Variants in DYNC2H1 observed in about 807,000 individuals in gnomAD.
DYNC2H1 encodes the protein cytoplasmic dynein 2 heavy chain 1.
A neutral mutation model predicts 570.0 loss-of-function variants in DYNC2H1; 410 were observed. That is an observed-to-expected ratio of 0.72 (90% CI 0.66 to 0.78). DYNC2H1 has a LOEUF of 0.78. Among genes scored for constraint, DYNC2H1 ranks in the 30% least tolerant of loss-of-function variants. The probability of loss-of-function intolerance (pLI) is 0.00; values close to 1 mark genes in which losing one functional copy is unlikely to be tolerated. For missense variants in DYNC2H1, 4,865 were observed against 5,046.4 expected (o/e 0.96, Z 1.09); for synonymous variants, 1,688 against 1,677.6 (o/e 1.01, Z -0.15).
At chr11:103,453,977 G>T (rs1448641291) in intron 85 of DYNC2H1, among the ~76,000 whole-genome samples, 1 of 151,850 alleles carries the variant, frequency 6.6e-6, no homozygotes, top group Non-Finnish European at 1.5e-5. Context: ...ATTATGCTTC[G>T]CTAAGAAGAT....
At chr11:103,270,992 T>C (rs777500357) in intron 70 of DYNC2H1, among the ~76,000 whole-genome samples, 16 of 152,204 alleles carry the variant, frequency 1.1e-4, no homozygotes, top group Non-Finnish European at 1.9e-4. Flanking sequence ...TCATGCAAAC[T>C]TCTTGAAAGT....
rs550898293 is a variant in DYNC2H1, at chr11:103,199,208, T to C, written c.7840-20T>C. 2.8e-6 allele frequency: 4 copies of C among 1,439,312 alleles called. No homozygotes were observed. In the Admixed American group the frequency reaches 6.2e-5, roughly 22 times the overall value. 89.2% of individuals were successfully genotyped at this position (1,439,312 alleles called of 1,614,324 possible). ...ATTAGGGCTTATATTAATTATAAAA[T>C]ATTCTGATTTTTTTAAAAGGGTCTT... is the stretch of plus-strand genomic sequence containing the variant. On this transcript the variant is annotated intron_variant, in intron 48 of 88. Coordinates refer to ENST00000375735, the MANE Select transcript of DYNC2H1 (RefSeq NM_001377.3). The surrounding 1 kb of genome is among the most constrained non-coding windows in gnomAD (Gnocchi z 4.6).
chr11:103,264,739 G>T lies in DYNC2H1; in HGVS notation c.10695+4762G>T, dbSNP rs745511892. Among the ~76,000 whole-genome samples, 101 of 152,100 alleles carry T rather than the reference G, an allele frequency of 6.6e-4. No homozygotes were observed. The highest frequency in any genetic ancestry group is 1.3e-3 in the Non-Finnish European group (89 of 68,026). ...ACAGACCCACAGCCAATGTCATACC[G>T]AATGTGAATCAATATCAGTATCATA... On this transcript the variant is annotated intron_variant, in intron 70 of 88. Coordinates refer to ENST00000375735, the MANE Select transcript of DYNC2H1 (RefSeq NM_001377.3). This position sits in a 1 kb window ranked among gnomAD's most constrained non-coding sequence, Gnocchi z 4.8.
chr11:103,118,000 T>A, intron 6 of DYNC2H1, 137 bp downstream of exon 6: 1 of 656,866 alleles, frequency 1.5e-6, no homozygotes, highest in Non-Finnish European at 2.3e-6. Flanking sequence ...ATTAAAGTTC[T>A]TGTTGGGCCA....
chr11:103,257,893 A>G, intron 69 of DYNC2H1, 142 bp downstream of exon 69: 1 of 917,550 alleles, frequency 1.1e-6, no homozygotes, highest in Non-Finnish European at 1.4e-6. Flanking sequence ...CTTTTAAGCT[A>G]TATAAAGAAA....
At chr11:103,316,751 T>G in intron 80 of DYNC2H1, 131 bp downstream of exon 80, 1 of 622,862 alleles carries the variant, frequency 1.6e-6, no homozygotes, top group Non-Finnish European at 2.6e-6. Context: ...TTTTATTTTT[T>G]ATTTGACTTC....
chr11:103,163,277 T>A lies in DYNC2H1; in HGVS notation c.4611+130T>A. 1.7e-6 allele frequency: 2 copies of A among 1,153,328 alleles called. No individual in the cohort carries two copies. Among genetic ancestry groups the A allele is most frequent in the Non-Finnish European group, 2.3e-6 (2 of 858,924 alleles). The allele number at this position is 1,153,328 out of a possible 1,614,324, so 71.4% of individuals were successfully genotyped here. On this transcript the variant is annotated intron_variant, in intron 30 of 88. Coordinates refer to ENST00000375735, the MANE Select transcript of DYNC2H1 (RefSeq NM_001377.3). This position sits in a 1 kb window ranked among gnomAD's most constrained non-coding sequence, Gnocchi z 4.6. ...TCTAACAGTTAACGGACAAATTGCTTAACTTCTGAGTCTCAGTTCCTTCAG... is the reference window on the plus strand; with the variant it reads ...TCTAACAGTTAACGGACAAATTGCTAAACTTCTGAGTCTCAGTTCCTTCAG...
chr11:103,287,644 G>A, intron 75 of DYNC2H1, 39 bp downstream of exon 75: 1 of 1,510,894 alleles, frequency 6.6e-7, no homozygotes, highest in Non-Finnish European at 9.0e-7. Context: ...CCACTGACCT[G>A]AATTATTTGT....
chr11:103,188,414 T>C, intron 43 of DYNC2H1, 83 bp from the exon 44 acceptor site: 2 of 1,099,828 alleles, frequency 1.8e-6, no homozygotes, highest in South Asian at 4.0e-5. Context: ...TTAGAAATAA[T>C]TGAAACTTAG....
At chr11:103,191,273 C>T (rs959707186) in intron 45 of DYNC2H1, among the ~76,000 whole-genome samples, 3 of 151,874 alleles carry the variant, frequency 2.0e-5, no homozygotes, top group East Asian at 1.9e-4. Context: ...CTGCTGACCT[C>T]GTGATCTGCC....
intron 30 of DYNC2H1, among the ~76,000 whole-genome samples, chr11:103,165,169 C>G (rs1181201687): frequency 3.3e-5 from 5 of 152,222 alleles, no homozygotes; most frequent in Non-Finnish European, 7.3e-5. Context: ...TTAGCCTGCT[C>G]TCATGTGGAG....
At chr11:103,295,707 G>C (rs191817497) in intron 75 of DYNC2H1, among the ~76,000 whole-genome samples, 9 of 152,338 alleles carry the variant, frequency 5.9e-5, no homozygotes, top group Admixed American at 1.3e-4. Context: ...GTGCTGAATA[G>C]CAAGGGTCAT....
chr11:103,122,915 C>A lies in DYNC2H1; in HGVS notation c.1576C>A (p.Gln526Lys). The A allele has an allele frequency of 6.2e-7, 1 of 1,612,372 alleles. No individual in the cohort carries two copies. Among genetic ancestry groups the A allele is most frequent in the South Asian group, 1.1e-5 (1 of 90,762 alleles). Residue 526 changes from glutamine to lysine, a missense_variant, in exon 11 of 89, where the codon CAG becomes AAG. This residue lies in a region of DYNC2H1 where 1,936 missense variants were observed against 1,962.1 expected (regional missense o/e 0.99). Coordinates refer to ENST00000375735, the MANE Select transcript of DYNC2H1 (RefSeq NM_001377.3). ...TCAAAGTGCCAAAGATCTCTTAGAC[C>A]AGCTTAAACTATATGAACAGGAACA... ...FHQSAKDLLD[Q>K]LKLYEQEQFD... is the part of the protein sequence containing the mutation.
Position 103,254,787 on chromosome 11 carries a change from T to A in DYNC2H1, c.10207-628T>A, listed in dbSNP as rs1192259995. On this transcript the variant is annotated intron_variant, in intron 66 of 88. Coordinates refer to ENST00000375735, the MANE Select transcript of DYNC2H1 (RefSeq NM_001377.3). This position sits in a 1 kb window ranked among gnomAD's most constrained non-coding sequence, Gnocchi z 4.9. ...TTATTTGTTTATTTTATTTTATTTT[T>A]TTGAGACGGAGTCTGGCACTGTTGC... is the stretch of plus-strand genomic sequence containing the variant. Among the ~76,000 whole-genome samples, 1 of 152,160 alleles carries A rather than the reference T, an allele frequency of 6.6e-6. No individual in the cohort carries two copies. The highest frequency in any genetic ancestry group is 1.5e-5 in the Non-Finnish European group (1 of 68,036).
intron 20 of DYNC2H1, 132 bp from the exon 21 acceptor site, chr11:103,152,004 A>G (rs1478256303): frequency 2.9e-6 from 3 of 1,049,370 alleles, no homozygotes; most frequent in Non-Finnish European, 4.0e-6. Context: ...TAGGAATTTA[A>G]CAAACTGTTT....
intron 11 of DYNC2H1, 32 bp downstream of exon 11, chr11:103,123,032 A>G: frequency 7.7e-7 from 1 of 1,297,846 alleles, no homozygotes; most frequent in Non-Finnish European, 9.9e-7. Flanking sequence ...TGTAAAATCC[A>G]AAACCATATG....
chr11:103,236,406 T>G (rs764836887), intron 62 of DYNC2H1, 24 bp from the exon 63 acceptor site: 1 of 1,282,060 alleles, frequency 7.8e-7, no homozygotes, highest in East Asian at 2.3e-5. Flanking sequence ...TTGTGAAGTA[T>G]TATCAATATC....
chr11:103,425,419 A>G (rs72985476), intron 84 of DYNC2H1, among the ~76,000 whole-genome samples: 8,313 of 152,098 alleles, frequency 0.055, 283 homozygotes, highest in Non-Finnish European at 0.079. Context: ...GTATCCTCAT[A>G]TGGTGGAAAG....
intron 17 of DYNC2H1, among the ~76,000 whole-genome samples, chr11:103,141,730 G>T (rs571425219): frequency 2.0e-5 from 3 of 152,348 alleles, no homozygotes; most frequent in Non-Finnish European, 4.4e-5. Flanking sequence ...GAGAACTATT[G>T]CTCTCTTCAA....
Sources: allele counts gnomAD v4.1 joint callset (sites outside exome capture counted in the v4.1 genomes callset), GRCh38; gene constraint gnomAD v4.1.1; regional missense constraint gnomAD v4.1.1; non-coding constraint Gnocchi (gnomAD v3.1); transcripts MANE v1.5; gene names NCBI Gene and HGNC (gene_info 2026-07-23, HGNC 2026-07-21).